COL5A2: variants seen among roughly 807,000 people sequenced by gnomAD.
COL5A2 encodes collagen alpha-2(V) chain.
A neutral mutation model predicts 208.2 loss-of-function variants in COL5A2; 23 were observed. The ratio of observed to expected loss-of-function variants is 0.11; its 90% CI spans 0.08 to 0.16. The LOEUF (loss-of-function observed/expected upper bound fraction) is 0.16, where lower values mean the gene tolerates loss of function less well. Among genes scored for constraint, COL5A2 ranks in the 10% least tolerant of loss-of-function variants. The pLI, the probability that COL5A2 is intolerant of heterozygous loss-of-function variation, is 1.00. For synonymous variants in COL5A2, 625 were observed against 628.5 expected, an observed-to-expected ratio of 0.99 and a Z score of 0.08; for missense variants, 1,590 against 1,956.4, an observed-to-expected ratio of 0.81 and a Z score of 3.53.
At chr2:189,239,337 G>A in the COL5A2 span, among the ~76,000 whole-genome samples, 2 of 152,000 alleles carry the variant, frequency 1.3e-5, no homozygotes. Flanking sequence ...GGACTTTGCA[G>A]ATGATCAAGA....
At chr2:189,282,658 G>C in the COL5A2 span, among the ~76,000 whole-genome samples, 8 of 152,132 alleles carry the variant, frequency 5.3e-5, no homozygotes, top group Non-Finnish European at 1.2e-4. Context: ...TTTAGTATAT[G>C]TAAATGAAAT....
intron 17 of COL5A2, 77 bp downstream of exon 17, chr2:189,075,316 T>C (rs1352482887): frequency 7.5e-6 from 8 of 1,063,430 alleles, no homozygotes; most frequent in Admixed American, 1.7e-5. Context: ...GTGAGTGCTC[T>C]GTAAATGTTT....
At chr2:189,159,924 T>C (rs1688325660) in intron 1 of COL5A2, among the ~76,000 whole-genome samples, 1 of 151,994 alleles carries the variant, frequency 6.6e-6, no homozygotes, top group Admixed American at 6.5e-5. Context: ...AAATAAATAA[T>C]TGTTTTAAAT....
chr2:189,288,733 T>TACC, the COL5A2 span, among the ~76,000 whole-genome samples: 1 of 152,116 alleles, frequency 6.6e-6, no homozygotes, highest in Admixed American at 6.5e-5. Flanking sequence ...GTTATCCTGA[T>TACC]ACCAAAGCCA....
rs1326153384 is a variant in COL5A2 at position 189,054,231 on chromosome 2, T to G, written c.2392-19A>C. 1 of 1,604,770 alleles carries G rather than the reference T, an allele frequency of 6.2e-7. No homozygotes were observed. Among genetic ancestry groups the G allele is most frequent in the Non-Finnish European group, 8.5e-7 (1 of 1,171,510 alleles). On this transcript the variant is annotated intron_variant, in intron 35 of 53. Coordinates refer to ENST00000374866, the MANE Select transcript of COL5A2 (RefSeq NM_000393.5). ...GAAGACCCTGTCAATTAACAGAACA[T>G]AGGCATATTGAGGTAAAAAATGCAC...
At chr2:189,322,603 T>C in the COL5A2 span, among the ~76,000 whole-genome samples, 4 of 152,184 alleles carry the variant, frequency 2.6e-5, no homozygotes, top group African/African-American at 9.6e-5. Flanking sequence ...CCTCGACACA[T>C]ACACCCTCCC....
chr2:189,242,050 G>T, the COL5A2 span, among the ~76,000 whole-genome samples: 1 of 151,986 alleles, frequency 6.6e-6, no homozygotes, highest in Non-Finnish European at 1.5e-5. Flanking sequence ...TGTCTATTGG[G>T]GTTCCTCTTT....
the COL5A2 span, among the ~76,000 whole-genome samples, chr2:189,262,950 T>C: frequency 6.6e-6 from 1 of 152,138 alleles, no homozygotes; most frequent in Non-Finnish European, 1.5e-5. Flanking sequence ...ATGTCACAGT[T>C]GCATTCCAGA....
intron 12 of COL5A2, among the ~76,000 whole-genome samples, chr2:189,083,472 A>C (rs1012524856): frequency 6.6e-6 from 1 of 152,142 alleles, no homozygotes. Flanking sequence ...AGCCAAAATT[A>C]GGGTTTGGGG....
chr2:189,354,596 T>C, the COL5A2 span, among the ~76,000 whole-genome samples: 2 of 152,212 alleles, frequency 1.3e-5, no homozygotes, highest in Non-Finnish European at 2.9e-5. Context: ...CTGACGGTAG[T>C]TTGTATTTCT....
At chr2:189,268,291 A>T in the COL5A2 span, among the ~76,000 whole-genome samples, 4 of 152,184 alleles carry the variant, frequency 2.6e-5, no homozygotes, top group Non-Finnish European at 5.9e-5. Context: ...AAGATATAAC[A>T]TTCTCTTCTC....
At position 189,066,737 on chromosome 2, in the gene COL5A2, C is replaced by G; in HGVS notation, c.1447G>C (p.Gly483Arg). 1 of 1,613,372 alleles carries G rather than the reference C, an allele frequency of 6.2e-7. No homozygotes were observed. Among genetic ancestry groups the G allele is most frequent in the Non-Finnish European group, 8.5e-7 (1 of 1,179,378 alleles). Residue 483 changes from glycine (G) to arginine (R), a missense_variant, in exon 22 of 54, where the codon GGG (glycine) becomes CGG (arginine). By Grantham distance (125) the Gly-to-Arg change is moderately radical. Transcript: ENST00000374866. ...PGFKGEAGPK[G>R]EPGPHGIQGP... The stretch of plus-strand genomic sequence containing the variant: ...AAACAATGAAACCTTACTGGTTCCC[C>G]TTTTGGGCCAGCTTCTCCTTTGAAA...
Position 189,111,928 on chromosome 2 carries a change from C to A in COL5A2, c.98-1479G>T, listed in dbSNP as rs184127735. Among the ~76,000 whole-genome samples the A allele has an allele frequency of 4.6e-5, 7 of 151,320 alleles. No homozygotes were observed. In the East Asian group the frequency reaches 9.8e-4, roughly 21 times the overall value. On this transcript the variant is annotated intron_variant, in intron 1 of 53. Transcript: ENST00000374866. ...TCGCCCAGGCAGGAGTCCAATGGTG[C>A]GATCTCAGCTCATTGCAACCTCCGC...
intron 1 of COL5A2, among the ~76,000 whole-genome samples, chr2:189,112,834 T>C (rs1349176623): frequency 6.6e-6 from 1 of 152,208 alleles, no homozygotes; most frequent in Non-Finnish European, 1.5e-5. Flanking sequence ...GTGTGACTTT[T>C]AGATGAAATA....
chr2:189,063,210 G>A lies in COL5A2; in HGVS notation c.1831C>T (p.Pro611Ser), dbSNP rs1438423994. 1.9e-6 allele frequency: 3 copies of A among 1,614,146 alleles called. No individual in the cohort carries two copies. The South Asian group carries it at 3.3e-5, about 18-fold the overall frequency. Residue 611 changes from proline (P) to serine (S), a missense_variant, in exon 27 of 54, where the codon CCC (proline) becomes TCC (serine). Pro to Ser is a moderately conservative substitution (Grantham distance 74, BLOSUM62 -1). Coordinates refer to ENST00000374866, the MANE Select transcript of COL5A2 (RefSeq NM_000393.5). ...PPGSIGIRGQ[P>S]GSMGLPGPKG... is the part of the protein sequence containing the mutation. ...GGGCCTGGAAGGCCCATGCTCCCGG[G>A]CTGCCCTCTGATTCCTATGGAGCCT...
At chr2:189,384,426 C>T in the COL5A2 span, among the ~76,000 whole-genome samples, 4 of 152,064 alleles carry the variant, frequency 2.6e-5, no homozygotes, top group South Asian at 4.2e-4. Context: ...TGTCATCTTC[C>T]GTCTTTTTGA....
intron 6 of COL5A2, among the ~76,000 whole-genome samples, chr2:189,096,822 CT>C (rs1280991573): frequency 6.6e-6 from 1 of 152,136 alleles, no homozygotes; most frequent in Non-Finnish European, 1.5e-5. Context: ...ATTTTTAAAA[CT>C]ACTCCTTTGC....
chr2:189,099,556 T>C (rs1170276739), intron 4 of COL5A2, among the ~76,000 whole-genome samples: 2 of 151,970 alleles, frequency 1.3e-5, no homozygotes, highest in Non-Finnish European at 2.9e-5. Context: ...ATCTGGGAGG[T>C]GGAGGTTGCA....
At chr2:189,147,311 T>C (rs1269969300) in intron 1 of COL5A2, among the ~76,000 whole-genome samples, 3 of 152,112 alleles carry the variant, frequency 2.0e-5, no homozygotes, top group Admixed American at 6.6e-5. Context: ...AGCCAAGACA[T>C]ATGACCTACC....
Sources: gnomAD v4.1 joint callset for allele counts (sites outside exome capture counted in the v4.1 genomes callset) on GRCh38, gnomAD v4.1.1 for gene constraint, MANE v1.5 for transcripts, NCBI Gene and HGNC (gene_info 2026-07-23, HGNC 2026-07-21) for gene names.